DAB1: variants seen among roughly 807,000 people sequenced by gnomAD.
DAB1 encodes the protein disabled homolog 1.
Under a neutral mutation model 64.6 loss-of-function variants are expected in DAB1, and 15 were observed. The observed-to-expected ratio is 0.23, with a 90% CI of 0.16 to 0.36. The LOEUF (loss-of-function observed/expected upper bound fraction) is 0.36, where lower values mean the gene tolerates loss of function less well. DAB1 is among the 10% of genes least tolerant of loss of function. DAB1 has a pLI of 1.00. For synonymous variants in DAB1, 235 were observed against 251.9 expected (o/e 0.93, Z 0.64); for missense variants, 596 against 706.7 (o/e 0.84, Z 1.78).
chr1:58,507,421 C>T (rs6674248), intron 2 of DAB1, among the ~76,000 whole-genome samples: 5,661 of 151,814 alleles, frequency 0.037, 151 homozygotes, highest in Non-Finnish European at 0.051. Context: ...TTAACAAATA[C>T]CATTAAAGCA....
At chr1:57,521,991 T>C (rs963347612) in intron 7 of DAB1, among the ~76,000 whole-genome samples, 21 of 152,166 alleles carry the variant, frequency 1.4e-4, no homozygotes, top group African/African-American at 5.1e-4. Flanking sequence ...GTGCCTATAA[T>C]CCCAGCTACT....
At chr1:58,072,987 T>C (rs1373570839) in intron 5 of DAB1, among the ~76,000 whole-genome samples, 1 of 152,230 alleles carries the variant, frequency 6.6e-6, no homozygotes, top group East Asian at 1.9e-4. Context: ...AGTTTATACA[T>C]AACTCATTTA....
intron 4 of DAB1, among the ~76,000 whole-genome samples, chr1:58,241,091 T>A (rs1296445588): frequency 3.9e-5 from 6 of 152,136 alleles, no homozygotes; most frequent in Admixed American, 6.5e-5. Flanking sequence ...GGGCAAATAA[T>A]CTCATGTATC....
At chr1:58,138,783 G>C (rs762915827) in intron 5 of DAB1, among the ~76,000 whole-genome samples, 13 of 152,134 alleles carry the variant, frequency 8.5e-5, no homozygotes, top group Non-Finnish European at 1.8e-4. Context: ...AAGAGGGAAT[G>C]AGAAGTTAGG....
In DAB1 at chr1:57,371,163, T is replaced by C. The variant is rs1220718530; in HGVS notation, c.-137+52767A>G. ...ACATTCTCCTTCTCACTAGTGTGGA[T>C]TCAGAAAGACCAGACGGGGGACCTG... On this transcript the variant is annotated intron_variant, in intron 1 of 14. Transcript: ENST00000371236. Among the ~76,000 whole-genome samples, 4 of 152,310 alleles carry C rather than the reference T, an allele frequency of 2.6e-5. No homozygotes were observed. In the East Asian group the frequency reaches 7.7e-4, roughly 29 times the overall value.
chr1:57,528,260 A>G (rs1400917395), intron 7 of DAB1, among the ~76,000 whole-genome samples: 1 of 152,148 alleles, frequency 6.6e-6, no homozygotes, highest in Non-Finnish European at 1.5e-5. Flanking sequence ...TGGGATTAAC[A>G]GTAGAATGGG....
chr1:58,545,309 T>C (rs553010591), intron 1 of DAB1, among the ~76,000 whole-genome samples: 23 of 152,340 alleles, frequency 1.5e-4, no homozygotes, highest in African/African-American at 5.1e-4. Flanking sequence ...ACAGAAGGTA[T>C]AAGCAAAAGC....
intron 5 of DAB1, among the ~76,000 whole-genome samples, chr1:57,894,136 C>T (rs1262047523): frequency 2.6e-5 from 4 of 152,282 alleles, no homozygotes; most frequent in Admixed American, 6.5e-5. Flanking sequence ...GACCCCAGGT[C>T]GAAAGGTCAA....
chr1:58,132,043 G>A (rs538675657), intron 5 of DAB1, among the ~76,000 whole-genome samples: 8 of 152,104 alleles, frequency 5.3e-5, no homozygotes, highest in African/African-American at 1.9e-4. Flanking sequence ...AATGGCGGGC[G>A]CCCCTCCCCC....
At chr1:58,440,524 T>C (rs1644996490) in intron 3 of DAB1, among the ~76,000 whole-genome samples, 1 of 152,194 alleles carries the variant, frequency 6.6e-6, no homozygotes, top group African/African-American at 2.4e-5. Flanking sequence ...ATCTTGACAT[T>C]TTCCTTACAA....
At chr1:57,145,190 C>G in intron 3 of DAB1, 100 bp downstream of exon 3, 1 of 1,204,616 alleles carries the variant, frequency 8.3e-7, no homozygotes, top group South Asian at 1.4e-5. Context: ...AGTAATTTAC[C>G]AATAAATGAA....
At chr1:57,424,229 G>C (rs12735187), upstream of DAB1, among the ~76,000 whole-genome samples, 6,722 of 150,792 alleles carry the variant, frequency 0.045, 163 homozygotes, top group South Asian at 0.09. Flanking sequence ...CGGGCCGTGA[G>C]CCCCTCGCCC....
chr1:57,832,406 T>C (rs1303332481), intron 1 of DAB1, among the ~76,000 whole-genome samples: 1 of 152,216 alleles, frequency 6.6e-6, no homozygotes, highest in Non-Finnish European at 1.5e-5. Flanking sequence ...ATGAGACCTA[T>C]GGAGACGTAT....
At chr1:58,159,669 T>C (rs1236827924) in intron 4 of DAB1, among the ~76,000 whole-genome samples, 1 of 152,206 alleles carries the variant, frequency 6.6e-6, no homozygotes, top group Non-Finnish European at 1.5e-5. Context: ...GAGAACTGGG[T>C]TGCACCCAAG....
At chr1:57,351,847 A>G (rs368131840) in intron 1 of DAB1, among the ~76,000 whole-genome samples, 75 of 152,050 alleles carry the variant, frequency 4.9e-4, no homozygotes, top group African/African-American at 1.8e-3. Flanking sequence ...ACACATGTTT[A>G]TTTGTCATTT....
At chr1:58,313,979 C>A (rs1662492783) in intron 4 of DAB1, among the ~76,000 whole-genome samples, 1 of 152,028 alleles carries the variant, frequency 6.6e-6, no homozygotes, top group Admixed American at 6.6e-5. Flanking sequence ...TTGGTGGGTA[C>A]CCAAGCATTC....
chr1:57,555,141 T>C (rs1363520529), intron 7 of DAB1, among the ~76,000 whole-genome samples: 4 of 146,548 alleles, frequency 2.7e-5, no homozygotes, highest in East Asian at 4.2e-4. Flanking sequence ...TTCAAGTGAT[T>C]CTCCTCTCTC....
At chr1:57,032,924 T>C (rs1221998136) in intron 9 of DAB1, among the ~76,000 whole-genome samples, 1 of 152,236 alleles carries the variant, frequency 6.6e-6, no homozygotes, top group Non-Finnish European at 1.5e-5. Context: ...TGGCACGTCC[T>C]GTTCATGTAT....
chr1:57,468,689 GA>G (rs972936541), intron 7 of DAB1, among the ~76,000 whole-genome samples: 12 of 151,786 alleles, frequency 7.9e-5, no homozygotes, highest in Admixed American at 2.0e-4. Context: ...AGCCATCCAA[GA>G]AAAAAAATTA....
Sources: gnomAD v4.1 joint callset for allele counts (sites outside exome capture counted in the v4.1 genomes callset) on GRCh38, gnomAD v4.1.1 for gene constraint, MANE v1.5 for transcripts, NCBI Gene and HGNC (gene_info 2026-07-23, HGNC 2026-07-21) for gene names.